The following OSTC variants were observed in gnomAD, a reference collection of about 807,000 sequenced individuals.
OSTC encodes the protein oligosaccharyltransferase complex non-catalytic subunit, also known as oligosaccharyltransferase complex subunit OSTC.
In OSTC, 16 loss-of-function variants were observed where a neutral mutation model predicts 16.4. The ratio of observed to expected loss-of-function variants is 0.98; its 90% CI spans 0.66 to 1.49. The LOEUF (loss-of-function observed/expected upper bound fraction) is 1.49. Among genes scored for constraint, OSTC ranks in the 40% most tolerant of loss-of-function variants. The pLI, the probability that OSTC is intolerant of heterozygous loss-of-function variation, is 0.00. For synonymous variants in OSTC, 67 were observed against 68.5 expected, an observed-to-expected ratio of 0.98 and a Z score of 0.11; for missense variants, 139 against 186.3, an observed-to-expected ratio of 0.75 and a Z score of 1.48.
rs905662518 is a variant in OSTC, at chr4:108,664,871, C to T, written c.432-2376C>T. Among the ~76,000 whole-genome samples, 16 of 152,094 alleles carry T rather than the reference C, an allele frequency of 1.1e-4. 1 individual carries two copies. The highest frequency in any genetic ancestry group is 4.6e-4 in the Admixed American group (7 of 15,258). On this transcript the variant is annotated intron_variant, in intron 3 of 3. Transcript: ENST00000361564. ...CCTCCCAAAGTGCTGGGATTACAGG[C>T]GTGAGCCACTGTGCCCAGCCAAACC...
At chr4:108,660,559 A>G (rs1001180448) in intron 3 of OSTC, among the ~76,000 whole-genome samples, 2 of 152,212 alleles carry the variant, frequency 1.3e-5, no homozygotes, top group Non-Finnish European at 2.9e-5. Flanking sequence ...CAAATTATCT[A>G]TGATGACCTA....
intron 1 of OSTC, chr4:108,651,607 G>T (rs904448061): frequency 6.6e-6 from 1 of 152,192 alleles, no homozygotes; most frequent in African/African-American, 2.4e-5. Flanking sequence ...TCAGGCCACA[G>T]TTCCAAGATT....
At chr4:108,652,709 T>C (rs1301216008) in intron 1 of OSTC, among the ~76,000 whole-genome samples, 1 of 152,156 alleles carries the variant, frequency 6.6e-6, no homozygotes, top group Non-Finnish European at 1.5e-5. Context: ...ATGAGACATA[T>C]TAAATGTCAC....
At chr4:108,667,216 A>T in intron 3 of OSTC, 31 bp from the exon 4 acceptor site, 1 of 1,589,656 alleles carries the variant, frequency 6.3e-7, no homozygotes, top group Non-Finnish European at 8.6e-7. Context: ...AATTCTTTTC[A>T]CTTTTTGTGC....
rs767951022 is a variant in OSTC at position 108,650,636 on chromosome 4, C to G, written c.-20C>G. ...GGCGCGTGGGGCTTGAGGCCGAGAA[C>G]GGCCCTTGCTGCCACCAACATGGAG... is the stretch of plus-strand genomic sequence containing the variant. On this transcript the variant is annotated 5_prime_UTR_variant, in exon 1 of 4. Coordinates refer to ENST00000361564, the MANE Select transcript of OSTC (RefSeq NM_021227.4). The G allele has an allele frequency of 1.9e-6, 3 of 1,612,454 alleles. No individual in the cohort carries two copies. The highest frequency in any genetic ancestry group is 1.7e-5 in the Admixed American group (1 of 59,886).
chr4:108,660,435 A>G (rs1488204587), intron 3 of OSTC, among the ~76,000 whole-genome samples: 4 of 152,142 alleles, frequency 2.6e-5, no homozygotes, highest in Non-Finnish European at 5.9e-5. Flanking sequence ...TCTTTCCTGG[A>G]ATATTTGCAG....
chr4:108,665,201 C>T (rs1228594204), intron 3 of OSTC, among the ~76,000 whole-genome samples: 1 of 152,136 alleles, frequency 6.6e-6, no homozygotes, highest in Admixed American at 6.5e-5. Context: ...TTAAATCTTA[C>T]GTTACCAGTG....
intron 1 of OSTC, among the ~76,000 whole-genome samples, chr4:108,652,434 C>A (rs1726580481): frequency 6.6e-6 from 1 of 151,978 alleles, no homozygotes; most frequent in Admixed American, 6.6e-5. Flanking sequence ...TGGGGAGATT[C>A]TTTGTCCCAA....
chr4:108,653,771 A>G (rs375747994), intron 1 of OSTC, among the ~76,000 whole-genome samples: 1 of 152,232 alleles, frequency 6.6e-6, no homozygotes, highest in Non-Finnish European at 1.5e-5. Context: ...TTGGTCAACT[A>G]ACAGACATTT....
chr4:108,656,024 C>G (rs1445576680), intron 2 of OSTC, among the ~76,000 whole-genome samples: 1 of 151,930 alleles, frequency 6.6e-6, no homozygotes, highest in Admixed American at 6.6e-5. Context: ...TGCTTTTAAG[C>G]TAGAGTGGCT....
chr4:108,666,118 G>C (rs1448885328), intron 3 of OSTC, among the ~76,000 whole-genome samples: 1 of 152,120 alleles, frequency 6.6e-6, no homozygotes, highest in Non-Finnish European at 1.5e-5. Context: ...CTGTTATCCA[G>C]ACATTTCCTG....
chr4:108,659,127 C>T (rs573787037), intron 3 of OSTC, among the ~76,000 whole-genome samples: 123 of 9,946 alleles, frequency 0.012, no homozygotes, highest in East Asian at 0.12. Flanking sequence ...TACAGGCGCC[C>T]GCCACCACAC....
In OSTC at chr4:108,650,655, C is replaced by G; in HGVS notation, c.-1C>G. The G allele has an allele frequency of 2.5e-6, 4 of 1,614,070 alleles. No homozygotes were observed. Among genetic ancestry groups the G allele is most frequent in the African/African-American group, 1.3e-5 (1 of 75,060 alleles). On this transcript the variant is annotated 5_prime_UTR_variant, in exon 1 of 4. Coordinates refer to ENST00000361564, the MANE Select transcript of OSTC (RefSeq NM_021227.4). Reference sequence around the variant, plus strand: ...CGAGAACGGCCCTTGCTGCCACCAACATGGAGACTTTGTACCGTGTCCCGT... The same window carrying G: ...CGAGAACGGCCCTTGCTGCCACCAAGATGGAGACTTTGTACCGTGTCCCGT...
At chr4:108,661,722 C>T (rs1191181631) in intron 3 of OSTC, among the ~76,000 whole-genome samples, 4 of 152,228 alleles carry the variant, frequency 2.6e-5, no homozygotes, top group East Asian at 1.9e-4. Context: ...CTCAGCCTCC[C>T]GAGTAGCTGG....
At position 108,667,356 on chromosome 4, in the gene OSTC, A is replaced by G; in HGVS notation, c.*91A>G. 9.3e-7 allele frequency: 1 copy of G among 1,076,744 alleles called. No homozygotes were observed. The highest frequency in any genetic ancestry group is 1.4e-6 in the Non-Finnish European group (1 of 733,176). 66.7% of individuals were successfully genotyped at this position (1,076,744 alleles called of 1,614,324 possible). Reference sequence around the variant, plus strand: ...ACCAATCCTCTAATATGAAATGTGGAAAAGAATGAAGAGCAGCAGTAAAAG... The same window carrying G: ...ACCAATCCTCTAATATGAAATGTGGGAAAGAATGAAGAGCAGCAGTAAAAG... On this transcript the variant is annotated 3_prime_UTR_variant, in exon 4 of 4. Coordinates refer to ENST00000361564, the MANE Select transcript of OSTC (RefSeq NM_021227.4).
intron 2 of OSTC, 24 bp from the exon 3 acceptor site, chr4:108,657,426 T>A: frequency 1.9e-6 from 3 of 1,575,262 alleles, no homozygotes; most frequent in Non-Finnish European, 2.6e-6. Context: ...GTTATCTTTC[T>A]ATGGTCATTC....
At chr4:108,661,796 C>T (rs963360628) in intron 3 of OSTC, among the ~76,000 whole-genome samples, 3 of 152,014 alleles carry the variant, frequency 2.0e-5, no homozygotes, top group Non-Finnish European at 4.4e-5. Context: ...TGAGGTTTTG[C>T]CATTTTGGCA....
intron 1 of OSTC, 28 bp from the exon 2 acceptor site, chr4:108,655,536 C>A: frequency 7.4e-7 from 1 of 1,358,904 alleles, no homozygotes. Flanking sequence ...GTAATACAAT[C>A]TAATCTGTTC....
intron 3 of OSTC, among the ~76,000 whole-genome samples, chr4:108,666,201 G>C (rs557172597): frequency 6.6e-6 from 1 of 152,202 alleles, no homozygotes; most frequent in South Asian, 2.1e-4. Context: ...TCCCAGTCCT[G>C]AATAGCTTCT....
Sources: gnomAD v4.1 joint callset for allele counts (sites outside exome capture counted in the v4.1 genomes callset) on GRCh38, gnomAD v4.1.1 for gene constraint, MANE v1.5 for transcripts, NCBI Gene and HGNC (gene_info 2026-07-23, HGNC 2026-07-21) for gene names.